DPH6: variants seen among roughly 807,000 people sequenced by gnomAD.
DPH6 encodes the protein diphthine--ammonia ligase.
Under a neutral mutation model 38.2 loss-of-function variants are expected in DPH6, and 33 were observed. The observed-to-expected ratio is 0.86, with a 90% CI of 0.65 to 1.15. The LOEUF (loss-of-function observed/expected upper bound fraction) is 1.15. Ranked by LOEUF, DPH6 falls within the 50% of genes most tolerant of loss-of-function variation. The pLI, the probability that DPH6 is intolerant of heterozygous loss-of-function variation, is 0.00. For missense variants in DPH6, 325 were observed against 320.0 expected, an observed-to-expected ratio of 1.02 and a Z score of -0.12; for synonymous variants, 108 against 103.0, an observed-to-expected ratio of 1.05 and a Z score of -0.30.
exon 4 of DPH6, chr15:35,220,091 T>C (rs2051432728): frequency 6.6e-6 from 1 of 152,232 alleles, no homozygotes; most frequent in African/African-American, 2.4e-5. Context: ...CAGAGTATAA[T>C]AAGGAACATC....
At chr15:35,236,231 T>A (rs2051549987) in intron 3 of DPH6, among the ~76,000 whole-genome samples, 2 of 152,230 alleles carry the variant, frequency 1.3e-5, no homozygotes, top group African/African-American at 4.8e-5. Flanking sequence ...AGCATCAAAC[T>A]GAATTTTGGT....
chr15:35,358,702 G>T (rs2052589162), intron 3 of DPH6, among the ~76,000 whole-genome samples: 2 of 152,170 alleles, frequency 1.3e-5, no homozygotes, highest in Non-Finnish European at 2.9e-5. Context: ...GGCTGGTATT[G>T]GGGGTTGTCT....
intron 3 of DPH6, among the ~76,000 whole-genome samples, chr15:35,255,480 T>C (rs2051701598): frequency 2.0e-5 from 3 of 152,226 alleles, no homozygotes; most frequent in Admixed American, 2.0e-4. Context: ...AATAGTTCTA[T>C]GACTTCTTCA....
intron 3 of DPH6, among the ~76,000 whole-genome samples, chr15:35,455,412 T>A (rs2053983793): frequency 6.6e-6 from 1 of 152,156 alleles, no homozygotes; most frequent in Non-Finnish European, 1.5e-5. Flanking sequence ...TCCAGCAGTA[T>A]ATACAGCATG....
intron 3 of DPH6, among the ~76,000 whole-genome samples, chr15:35,310,793 T>C (rs2052134666): frequency 1.3e-5 from 2 of 151,950 alleles, no homozygotes; most frequent in South Asian, 4.1e-4. Context: ...CTCACGCCTG[T>C]AATCCCAGCA....
chr15:35,513,817 CTCG>C (rs1595433441), intron 3 of DPH6, among the ~76,000 whole-genome samples: 6 of 151,942 alleles, frequency 3.9e-5, no homozygotes, highest in East Asian at 1.9e-4. Flanking sequence ...CATTATAACA[CTCG>C]AATATATATA....
At chr15:35,196,113 A>G in the DPH6 span, among the ~76,000 whole-genome samples, 2 of 152,206 alleles carry the variant, frequency 1.3e-5, no homozygotes, top group Admixed American at 6.5e-5. Flanking sequence ...AATGGGATCC[A>G]CTGGAAAAAG....
Position 35,398,997 on chromosome 15 carries a change from T to C in DPH6, c.567+11838A>G, listed in dbSNP as rs568764391. Reference sequence around the variant, plus strand: ...TCTTCAGATTCCCCTATAGTAAAACTCAGGGTCAAAAAGCCCCATCCACAT... The same window carrying C: ...TCTTCAGATTCCCCTATAGTAAAACCCAGGGTCAAAAAGCCCCATCCACAT... On this transcript the variant is annotated intron_variant, in intron 6 of 8. Coordinates refer to ENST00000256538, the MANE Select transcript of DPH6 (RefSeq NM_080650.4). 2.3e-3 allele frequency among the ~76,000 whole-genome samples: 348 copies of C among 152,264 alleles called. 1 individual carries two copies. The highest frequency in any genetic ancestry group is 3.0e-3 in the Non-Finnish European group (203 of 68,008).
intron 3 of DPH6, among the ~76,000 whole-genome samples, chr15:35,494,092 T>C (rs2054517940): frequency 1.3e-5 from 2 of 152,004 alleles, no homozygotes; most frequent in Admixed American, 1.3e-4. Context: ...TGTAAAAGAG[T>C]GGGATAAAAT....
intron 1 of DPH6, among the ~76,000 whole-genome samples, chr15:35,545,619 C>G (rs1396735149): frequency 6.6e-6 from 1 of 152,128 alleles, no homozygotes; most frequent in African/African-American, 2.4e-5. Flanking sequence ...ACACTTACAA[C>G]TAGGGAGGAA....
intron 5 of DPH6, among the ~76,000 whole-genome samples, chr15:35,429,912 C>T (rs76526249): frequency 0.025 from 3,860 of 152,096 alleles, 162 homozygotes; most frequent in African/African-American, 0.088. Context: ...AATCAAAACA[C>T]TGATTGAACA....
At chr15:35,237,291 C>T in intron 3 of DPH6, 1 of 1,548,146 alleles carries the variant, frequency 6.5e-7, no homozygotes, top group Non-Finnish European at 8.9e-7. Context: ...GATTGAATTC[C>T]AGCGGCGCGG....
intron 3 of DPH6, among the ~76,000 whole-genome samples, chr15:35,304,040 G>C (rs2140809287): frequency 6.6e-6 from 1 of 152,108 alleles, no homozygotes; most frequent in South Asian, 2.1e-4. Context: ...CTAGTTTTCT[G>C]ATTTCTTATA....
chr15:35,186,081 T>C, the DPH6 span, among the ~76,000 whole-genome samples: 1 of 152,122 alleles, frequency 6.6e-6, no homozygotes, highest in Non-Finnish European at 1.5e-5. Context: ...CAGAAATGTG[T>C]ATCTTGCTCA....
intron 3 of DPH6, among the ~76,000 whole-genome samples, chr15:35,350,298 TTC>T (rs891832576): frequency 2.0e-5 from 3 of 149,788 alleles, no homozygotes; most frequent in Admixed American, 2.0e-4. Flanking sequence ...CTTCTTTCAT[TTC>T]TGATTTTTAT....
the DPH6 span, among the ~76,000 whole-genome samples, chr15:35,201,786 A>G: frequency 6.6e-6 from 1 of 151,640 alleles, no homozygotes; most frequent in Non-Finnish European, 1.5e-5. Context: ...AAAATATATT[A>G]TATATTTTCT....
intron 3 of DPH6, among the ~76,000 whole-genome samples, chr15:35,231,504 AG>A (rs1358126703): frequency 6.6e-6 from 1 of 152,292 alleles, no homozygotes; most frequent in South Asian, 2.1e-4. Flanking sequence ...GTTCATACAA[AG>A]GTGCTTTTTT....
intron 3 of DPH6, among the ~76,000 whole-genome samples, chr15:35,466,889 T>A (rs1169535205): frequency 1.3e-5 from 2 of 152,198 alleles, no homozygotes; most frequent in Non-Finnish European, 2.9e-5. Context: ...ATACAAATGA[T>A]ACACCTTTAA....
intron 5 of DPH6, among the ~76,000 whole-genome samples, chr15:35,450,456 TAAA>T (rs1170382391): frequency 1.6e-5 from 2 of 125,258 alleles, no homozygotes; most frequent in Non-Finnish European, 1.7e-5. Flanking sequence ...TGTTATATGT[TAAA>T]AAAAAAAAAA....
Sources: allele counts gnomAD v4.1 joint callset (sites outside exome capture counted in the v4.1 genomes callset), GRCh38; gene constraint gnomAD v4.1.1; transcripts MANE v1.5; gene names NCBI Gene and HGNC (gene_info 2026-07-23, HGNC 2026-07-21).